The following LRP12 variants were observed in gnomAD, a reference collection of about 807,000 sequenced individuals.
The protein encoded by LRP12 is LDL receptor related protein 12, also known as low-density lipoprotein receptor-related protein 12.
LRP12 carries 14 observed loss-of-function variants against 66.0 expected under a neutral mutation model. That is an observed-to-expected ratio of 0.21 (90% CI 0.14 to 0.33). The LOEUF (loss-of-function observed/expected upper bound fraction) is 0.33, where lower values mean the gene tolerates loss of function less well. LRP12 is among the 10% of genes least tolerant of loss of function. LRP12 has a pLI of 1.00. For synonymous variants in LRP12, 357 were observed against 359.1 expected (o/e 0.99, Z 0.07); for missense variants, 889 against 1,053.4 (o/e 0.84, Z 2.16).
intron 1 of LRP12, among the ~76,000 whole-genome samples, chr8:104,582,208 C>T (rs10505062): frequency 0.13 from 20,089 of 152,072 alleles, 1,881 homozygotes; most frequent in African/African-American, 0.27. Context: ...GTTAGTCTCA[C>T]TCAATGACAA....
intron 1 of LRP12, among the ~76,000 whole-genome samples, chr8:104,545,922 T>C (rs1286517671): frequency 6.7e-6 from 1 of 148,974 alleles, no homozygotes; most frequent in Non-Finnish European, 1.5e-5. Flanking sequence ...TTGTAGATTA[T>C]ATTATAACAC....
chr8:104,576,378 G>A (rs1812164865), intron 1 of LRP12, among the ~76,000 whole-genome samples: 1 of 151,996 alleles, frequency 6.6e-6, no homozygotes, highest in Non-Finnish European at 1.5e-5. Context: ...GAAAAAGCAG[G>A]TCACCTACAA....
chr8:104,509,584 TA>T (rs796502912), intron 2 of LRP12, among the ~76,000 whole-genome samples: 3 of 152,296 alleles, frequency 2.0e-5, no homozygotes, highest in African/African-American at 7.2e-5. Context: ...AAGTCACCCT[TA>T]TTTTGCCATT....
chr8:104,539,449 A>G (rs979284402), intron 1 of LRP12, among the ~76,000 whole-genome samples: 8 of 152,064 alleles, frequency 5.3e-5, no homozygotes, highest in Non-Finnish European at 1.2e-4. Context: ...ATCCTGTCCT[A>G]TCTATTTTCA....
chr8:104,510,025 T>G (rs767001566), intron 2 of LRP12, among the ~76,000 whole-genome samples: 2 of 152,222 alleles, frequency 1.3e-5, no homozygotes, highest in Non-Finnish European at 2.9e-5. Flanking sequence ...AGTTCAAGAT[T>G]ACTGGCTTTG....
chr8:104,572,834 A>G (rs1564148321), intron 1 of LRP12, among the ~76,000 whole-genome samples: 1 of 152,176 alleles, frequency 6.6e-6, no homozygotes, highest in Non-Finnish European at 1.5e-5. Context: ...TAGAGTTCAA[A>G]TAAACCTTTA....
intron 2 of LRP12, among the ~76,000 whole-genome samples, chr8:104,517,066 T>A (rs1447581808): frequency 2.0e-5 from 3 of 151,716 alleles, no homozygotes. Context: ...CCTAACTTTA[T>A]AAGACACATA....
chr8:104,540,760 A>G (rs1037911616), intron 1 of LRP12, among the ~76,000 whole-genome samples: 1 of 152,206 alleles, frequency 6.6e-6, no homozygotes, highest in East Asian at 1.9e-4. Flanking sequence ...GTTGAGACAG[A>G]GTCTCGCTCT....
At position 104,497,716 on chromosome 8, in the gene LRP12, T is replaced by G. The variant is rs1473940816; in HGVS notation, c.836A>C (p.Tyr279Ser). Residue 279 changes from tyrosine (Y) to serine (S), a missense_variant, in exon 5 of 7, where the codon TAT becomes TCT. Around this residue, in one of 3 missense-constraint regions of LRP12, gnomAD observed 800 missense variants for 964.5 expected, o/e 0.83. Transcript: ENST00000276654. The surrounding 1 kb of genome is among the most constrained non-coding windows in gnomAD (Gnocchi z 4.3). ...CCAGGTGCAATTGCTTCCAGGAGGA[T>G]AAAAGTCTGGATAATTGGGAGAATT... ...TFNSPNYPDF[Y>S]PPGSNCTWLI... 6.2e-7 allele frequency: 1 copy of G among 1,613,750 alleles called. No individual in the cohort carries two copies. The highest frequency in any genetic ancestry group is 1.3e-5 in the African/African-American group (1 of 74,894).
chr8:104,570,920 G>A (rs1214809225), intron 1 of LRP12, among the ~76,000 whole-genome samples: 2 of 152,062 alleles, frequency 1.3e-5, no homozygotes, highest in Non-Finnish European at 2.9e-5. Flanking sequence ...AATGAGTAAT[G>A]AACTCAAGCA....
chr8:104,559,888 A>G (rs1811876835), intron 1 of LRP12, among the ~76,000 whole-genome samples: 1 of 152,162 alleles, frequency 6.6e-6, no homozygotes. Context: ...ATTAGCATGT[A>G]TCTGTTGCTA....
At chr8:104,547,945 T>A (rs1181745923) in intron 1 of LRP12, among the ~76,000 whole-genome samples, 1 of 128,758 alleles carries the variant, frequency 7.8e-6, no homozygotes, top group Non-Finnish European at 1.5e-5. Flanking sequence ...CAATGTTATA[T>A]TTTGTATATA....
At chr8:104,578,607 CA>C (rs1176505482) in intron 1 of LRP12, among the ~76,000 whole-genome samples, 1 of 151,958 alleles carries the variant, frequency 6.6e-6, no homozygotes, top group Non-Finnish European at 1.5e-5. Flanking sequence ...CAAGCAAAAA[CA>C]AAAAACTTAC....
intron 5 of LRP12, among the ~76,000 whole-genome samples, chr8:104,496,731 A>T (rs1810733283): frequency 6.6e-6 from 1 of 152,210 alleles, no homozygotes; most frequent in Non-Finnish European, 1.5e-5. Context: ...AAACAGATTA[A>T]TCTGAAAACA....
intron 6 of LRP12, among the ~76,000 whole-genome samples, chr8:104,493,885 A>G (rs1810679052): frequency 1.3e-5 from 2 of 152,200 alleles, no homozygotes; most frequent in Non-Finnish European, 2.9e-5. Context: ...ACTTTGTCCT[A>G]TGCATCTTTT....
chr8:104,528,698 C>T (rs987737393), intron 2 of LRP12, among the ~76,000 whole-genome samples: 80 of 151,882 alleles, frequency 5.3e-4, no homozygotes, highest in African/African-American at 1.6e-3. Context: ...TCGCTTGAAC[C>T]CGGGAGGCAG....
At chr8:104,496,378 A>C (rs1394571783) in intron 5 of LRP12, among the ~76,000 whole-genome samples, 1 of 152,172 alleles carries the variant, frequency 6.6e-6, no homozygotes, top group Non-Finnish European at 1.5e-5. Flanking sequence ...TTGCTTTAAC[A>C]ACACCTTTTC....
chr8:104,519,057 A>G lies in LRP12; in HGVS notation c.137-9983T>C, dbSNP rs112769458. On this transcript the variant is annotated intron_variant, in intron 2 of 6. Coordinates refer to ENST00000276654, the MANE Select transcript of LRP12 (RefSeq NM_013437.5). ...TGGACTGCCATGTATAACATAACTA[A>G]GCCCTGTAACCTGAACAGGAAACAC... Among the ~76,000 whole-genome samples, 351 of 152,218 alleles carry G rather than the reference A, an allele frequency of 2.3e-3. 2 individuals carry two copies. The highest frequency in any genetic ancestry group is 4.2e-3 in the Non-Finnish European group (288 of 67,958).
intron 2 of LRP12, among the ~76,000 whole-genome samples, chr8:104,511,504 C>G (rs1810996608): frequency 6.6e-6 from 1 of 152,070 alleles, no homozygotes; most frequent in South Asian, 2.1e-4. Context: ...GAGCATGCCA[C>G]CATGCATGGC....
Sources: allele counts gnomAD v4.1 joint callset (sites outside exome capture counted in the v4.1 genomes callset), GRCh38; gene constraint gnomAD v4.1.1; regional missense constraint gnomAD v4.1.1; non-coding constraint Gnocchi (gnomAD v3.1); transcripts MANE v1.5; gene names NCBI Gene and HGNC (gene_info 2026-07-23, HGNC 2026-07-21).